SYT14: variants seen among roughly 807,000 people sequenced by gnomAD.
SYT14 encodes the protein synaptotagmin 14, also known as synaptotagmin-14.
Under a neutral mutation model 74.2 loss-of-function variants are expected in SYT14, and 32 were observed. The observed-to-expected ratio is 0.43, with a 90% CI of 0.33 to 0.58. SYT14 has a LOEUF of 0.58. Ranked by LOEUF, SYT14 falls within the 20% of genes least tolerant of loss-of-function variation. The probability of loss-of-function intolerance (pLI) is 0.05; values close to 1 mark genes in which losing one functional copy is unlikely to be tolerated. For missense variants in SYT14, 791 were observed against 981.8 expected (o/e 0.81, Z 2.60); for synonymous variants, 298 against 337.7 (o/e 0.88, Z 1.29).
At chr1:210,100,763 A>G (rs886437139) in intron 7 of SYT14, among the ~76,000 whole-genome samples, 5 of 151,780 alleles carry the variant, frequency 3.3e-5, no homozygotes, top group Non-Finnish European at 7.4e-5. Flanking sequence ...TTGATTATGA[A>G]GTCATCCAAA....
chr1:209,950,623 C>A (rs2078896951), intron 1 of SYT14, among the ~76,000 whole-genome samples: 1 of 152,106 alleles, frequency 6.6e-6, no homozygotes, highest in Non-Finnish European at 1.5e-5. Context: ...GAAGCAATGC[C>A]ATTGTTACAA....
At chr1:209,971,581 G>GT (rs1237458389) in intron 2 of SYT14, among the ~76,000 whole-genome samples, 3 of 152,062 alleles carry the variant, frequency 2.0e-5, no homozygotes, top group Non-Finnish European at 4.4e-5. Flanking sequence ...TTTGTTGAGG[G>GT]TTTTTATCAC....
chr1:210,065,135 A>G (rs1490559352), intron 5 of SYT14, among the ~76,000 whole-genome samples: 4 of 152,042 alleles, frequency 2.6e-5, no homozygotes, highest in African/African-American at 4.8e-5. Context: ...GAGTTGTTTC[A>G]TATTTTCTTC....
chr1:210,112,121 G>T (rs1213680174), intron 7 of SYT14, among the ~76,000 whole-genome samples: 2 of 151,312 alleles, frequency 1.3e-5, no homozygotes, highest in Admixed American at 1.3e-4. Flanking sequence ...GACTGCAGTG[G>T]CTTTCTCAGA....
chr1:210,070,148 C>G (rs1260300563), intron 5 of SYT14, among the ~76,000 whole-genome samples: 4 of 152,062 alleles, frequency 2.6e-5, no homozygotes, highest in Non-Finnish European at 5.9e-5. Flanking sequence ...TACAACTTCT[C>G]TCGTTCCGCT....
At chr1:210,153,049 A>G (rs1238436735) in intron 7 of SYT14, among the ~76,000 whole-genome samples, 1 of 152,168 alleles carries the variant, frequency 6.6e-6, no homozygotes, top group Non-Finnish European at 1.5e-5. Context: ...CTTGGATCCA[A>G]TATGAGTAAT....
At chr1:210,083,632 T>G (rs1472029307) in intron 5 of SYT14, among the ~76,000 whole-genome samples, 5 of 150,734 alleles carry the variant, frequency 3.3e-5, no homozygotes, top group Non-Finnish European at 7.4e-5. Flanking sequence ...TGCAGTGGTG[T>G]GATCATGGCT....
intron 5 of SYT14, among the ~76,000 whole-genome samples, chr1:210,025,147 C>T (rs189379524): frequency 7.2e-5 from 11 of 152,290 alleles, no homozygotes; most frequent in Non-Finnish European, 1.2e-4. Context: ...CACTGATACT[C>T]TCCTCTGGTA....
At chr1:210,043,978 C>T (rs970184390) in intron 5 of SYT14, among the ~76,000 whole-genome samples, 4 of 151,896 alleles carry the variant, frequency 2.6e-5, no homozygotes, top group Non-Finnish European at 5.9e-5. Flanking sequence ...TTTCAGAAAT[C>T]GTTTAAAATA....
chr1:210,029,179 T>C (rs904353715), intron 5 of SYT14, among the ~76,000 whole-genome samples: 1 of 152,222 alleles, frequency 6.6e-6, no homozygotes, highest in Non-Finnish European at 1.5e-5. Context: ...TAATCTCTTA[T>C]CAGATATATG....
At chr1:210,109,259 C>T (rs2082215346) in intron 7 of SYT14, among the ~76,000 whole-genome samples, 1 of 152,054 alleles carries the variant, frequency 6.6e-6, no homozygotes, top group African/African-American at 2.4e-5. Context: ...TACCATCTCA[C>T]TCCAGTTAGA....
chr1:209,976,363 A>T (rs2079364700), intron 2 of SYT14, among the ~76,000 whole-genome samples: 1 of 143,368 alleles, frequency 7.0e-6, no homozygotes, highest in African/African-American at 2.6e-5. Flanking sequence ...TTCCCTCTCC[A>T]CACTGCTTTG....
chr1:210,158,498 A>T (rs2102721313), intron 8 of SYT14, among the ~76,000 whole-genome samples: 1 of 152,312 alleles, frequency 6.6e-6, no homozygotes, highest in South Asian at 2.1e-4. Flanking sequence ...TAAAAAATAG[A>T]ATGAAATGAT....
chr1:209,963,640 C>T (rs2079110596), intron 2 of SYT14, among the ~76,000 whole-genome samples: 2 of 152,178 alleles, frequency 1.3e-5, no homozygotes, highest in African/African-American at 2.4e-5. Flanking sequence ...AGTTTTCATA[C>T]ATCAACTGAA....
chr1:210,139,830 CTT>C (rs2082878546), intron 7 of SYT14, among the ~76,000 whole-genome samples: 1 of 152,058 alleles, frequency 6.6e-6, no homozygotes, highest in African/African-American at 2.4e-5. Flanking sequence ...TTTTTGGGGA[CTT>C]AATAATATTC....
chr1:209,941,027 C>T (rs1328267753), intron 1 of SYT14, among the ~76,000 whole-genome samples: 2 of 152,152 alleles, frequency 1.3e-5, no homozygotes, highest in Non-Finnish European at 2.9e-5. Context: ...CCTTGCTTAG[C>T]TAACCAATGT....
exon 4 of SYT14, chr1:210,015,806 G>C: frequency 9.2e-7 from 1 of 1,091,544 alleles, no homozygotes; most frequent in African/African-American, 1.6e-5. Context: ...TTTTTTTCCG[G>C]AAGAATCTTT....
intron 5 of SYT14, among the ~76,000 whole-genome samples, chr1:210,056,172 G>A (rs945538660): frequency 2.0e-5 from 3 of 151,976 alleles, no homozygotes; most frequent in African/African-American, 7.3e-5. Flanking sequence ...TATTATAAAA[G>A]CTGTACTCAA....
intron 2 of SYT14, among the ~76,000 whole-genome samples, chr1:209,991,050 T>C (rs1254327944): frequency 6.6e-6 from 1 of 152,148 alleles, no homozygotes; most frequent in Non-Finnish European, 1.5e-5. Context: ...CCCTATTCAG[T>C]AAGTGGCGCT....
Sources: allele counts gnomAD v4.1 joint callset (sites outside exome capture counted in the v4.1 genomes callset), GRCh38; gene constraint gnomAD v4.1.1; transcripts MANE v1.5; gene names NCBI Gene and HGNC (gene_info 2026-07-23, HGNC 2026-07-21).